Variants in RAB32 observed in about 807,000 individuals in gnomAD.
RAB32 encodes ras-related protein Rab-32.
A neutral mutation model predicts 17.5 loss-of-function variants in RAB32; 17 were observed. That is an observed-to-expected ratio of 0.97 (90% CI 0.67 to 1.46). RAB32 has a LOEUF of 1.46. Ranked by LOEUF, RAB32 falls within the 40% of genes most tolerant of loss-of-function variation. RAB32 has a pLI of 0.00. For missense variants in RAB32, 288 were observed against 284.3 expected, an observed-to-expected ratio of 1.01 and a Z score of -0.09; for synonymous variants, 115 against 111.1, an observed-to-expected ratio of 1.04 and a Z score of -0.22.
chr6:146,543,855 C>A lies in RAB32; in HGVS notation c.-17C>A, dbSNP rs756021078. ...GCCAGACTCGGAGTCGAGGCGCGCC[C>A]GACAGCCGCAGCGCTCATGGCGGGC... On this transcript the variant is annotated 5_prime_UTR_variant, in exon 1 of 3. Coordinates refer to ENST00000367495, the MANE Select transcript of RAB32 (RefSeq NM_006834.5). The A allele has an allele frequency of 1.5e-6, 2 of 1,378,216 alleles. No individual in the cohort carries two copies. Among genetic ancestry groups the A allele is most frequent in the Non-Finnish European group, 1.9e-6 (2 of 1,065,854 alleles). 85.4% of individuals were successfully genotyped at this position (1,378,216 alleles called of 1,614,324 possible).
chr6:146,553,852 A>G (rs919745699), intron 2 of RAB32, among the ~76,000 whole-genome samples: 1 of 152,182 alleles, frequency 6.6e-6, no homozygotes, highest in African/African-American at 2.4e-5. Flanking sequence ...AGTTTTTGCA[A>G]TGTGTTACCT....
At position 146,549,632 on chromosome 6, in the gene RAB32, TCTTGG is replaced by T; in HGVS notation, c.422_426del (p.Leu141Ter). 1 of 1,614,196 alleles carries T rather than the reference TCTTGG, an allele frequency of 6.2e-7. No individual in the cohort carries two copies. The highest frequency in any genetic ancestry group is 1.1e-5 in the South Asian group (1 of 91,082). Reference sequence around the variant, plus strand: ...AATGGCAGCCCTATCCCTGCTGTCCTCTTGGCTAACAAATGTGACCAGAACAAGGA... The same window carrying T: ...AATGGCAGCCCTATCCCTGCTGTCCTCTAACAAATGTGACCAGAACAAGGA... On this transcript the variant is annotated frameshift_variant, in exon 2 of 3. Coordinates refer to ENST00000367495, the MANE Select transcript of RAB32 (RefSeq NM_006834.5). LOFTEE classifies it high-confidence loss of function.
chr6:146,547,932 G>C (rs1008081746), intron 1 of RAB32, among the ~76,000 whole-genome samples: 1 of 151,942 alleles, frequency 6.6e-6, no homozygotes, highest in Non-Finnish European at 1.5e-5. Flanking sequence ...TTGTTGCTTA[G>C]TCTTTTCATA....
chr6:146,552,741 CG>C (rs894283672), intron 2 of RAB32, among the ~76,000 whole-genome samples: 27 of 152,258 alleles, frequency 1.8e-4, no homozygotes, highest in African/African-American at 6.5e-4. Flanking sequence ...GCTCAAAATT[CG>C]GTTTTTAAAT....
intron 1 of RAB32, among the ~76,000 whole-genome samples, chr6:146,547,770 T>C (rs1413656509): frequency 1.3e-5 from 2 of 151,818 alleles, no homozygotes; most frequent in African/African-American, 4.8e-5. Context: ...AACAACTCTT[T>C]GTTAACTTCT....
intron 2 of RAB32, among the ~76,000 whole-genome samples, chr6:146,550,254 A>G (rs1268266348): frequency 6.6e-6 from 1 of 152,210 alleles, no homozygotes; most frequent in Non-Finnish European, 1.5e-5. Flanking sequence ...TATGCTTCAT[A>G]AACAGTAGAG....
chr6:146,544,386 C>T (rs1457735428), intron 1 of RAB32, among the ~76,000 whole-genome samples: 1 of 152,028 alleles, frequency 6.6e-6, no homozygotes, highest in African/African-American at 2.4e-5. Flanking sequence ...GCCAGGGGGC[C>T]TTTTCCAGAA....
chr6:146,550,721 G>GTT (rs200465055), intron 2 of RAB32, among the ~76,000 whole-genome samples: 1 of 129,944 alleles, frequency 7.7e-6, no homozygotes, highest in Non-Finnish European at 1.6e-5. Context: ...TATATAAAAT[G>GTT]TTTGGGGGGG....
At chr6:146,553,684 T>C (rs745780006) in intron 2 of RAB32, among the ~76,000 whole-genome samples, 1 of 152,208 alleles carries the variant, frequency 6.6e-6, no homozygotes, top group Admixed American at 6.5e-5. Context: ...AACACTATTA[T>C]GTAATTTCCT....
At position 146,549,754 on chromosome 6, in the gene RAB32, T is replaced by C; in HGVS notation, c.528+13T>C. The C allele has an allele frequency of 6.2e-7, 1 of 1,609,174 alleles. No homozygotes were observed. Among genetic ancestry groups the C allele is most frequent in the Non-Finnish European group, 8.5e-7 (1 of 1,176,914 alleles). On this transcript the variant is annotated intron_variant, in intron 2 of 2. Transcript: ENST00000367495. ...AACCTCTGCAAAGGTGAGATCTGCT[T>C]TGCTTATGCATCTTTTGCTTTCTAG...
intron 1 of RAB32, among the ~76,000 whole-genome samples, chr6:146,545,409 C>T (rs1393403360): frequency 6.6e-6 from 1 of 152,098 alleles, no homozygotes; most frequent in African/African-American, 2.4e-5. Flanking sequence ...TTCTACAGTC[C>T]CTACACTGAA....
At chr6:146,548,605 A>T (rs992896690) in intron 1 of RAB32, among the ~76,000 whole-genome samples, 4 of 152,182 alleles carry the variant, frequency 2.6e-5, no homozygotes, top group African/African-American at 9.7e-5. Context: ...GGTGTGTGGG[A>T]GTCAGAAGAC....
rs1779781915 is a variant in RAB32, at chr6:146,543,847, G to C, written c.-25G>C. On this transcript the variant is annotated 5_prime_UTR_variant, in exon 1 of 3. Coordinates refer to ENST00000367495, the MANE Select transcript of RAB32 (RefSeq NM_006834.5). ...GGCAGGGGGCCAGACTCGGAGTCGA[G>C]GCGCGCCCGACAGCCGCAGCGCTCA... 3.7e-6 allele frequency: 5 copies of C among 1,355,074 alleles called. No homozygotes were observed. The highest frequency in any genetic ancestry group is 4.8e-6 in the Non-Finnish European group (5 of 1,052,580). The allele number at this position is 1,355,074 out of a possible 1,614,324, so 83.9% of individuals were successfully genotyped here.
At chr6:146,546,580 T>C (rs1389467365) in intron 1 of RAB32, among the ~76,000 whole-genome samples, 1 of 152,088 alleles carries the variant, frequency 6.6e-6, no homozygotes, top group East Asian at 1.9e-4. Flanking sequence ...ACCATTTGAA[T>C]TAAGTAATGA....
chr6:146,549,249 TA>T (rs1293760339), intron 1 of RAB32, among the ~76,000 whole-genome samples: 2 of 152,202 alleles, frequency 1.3e-5, no homozygotes, highest in African/African-American at 4.8e-5. Context: ...GTACAGAACA[TA>T]AAACTAATTC....
chr6:146,550,048 G>A (rs577615332), intron 2 of RAB32, among the ~76,000 whole-genome samples: 2 of 152,160 alleles, frequency 1.3e-5, no homozygotes, highest in Non-Finnish European at 2.9e-5. Context: ...GTGGTTGGGG[G>A]TATTGTCAAG....
At chr6:146,544,183 T>C (rs1377201048) in intron 1 of RAB32, 62 bp downstream of exon 1, 14 of 1,505,822 alleles carry the variant, frequency 9.3e-6, no homozygotes, top group Non-Finnish European at 1.1e-5. Context: ...TCCTCTCTGC[T>C]TCTTTTCTTT....
rs1211765892 is a variant in RAB32 at position 146,543,929 on chromosome 6, G to T, written c.58G>T (p.Glu20Ter). The T allele has an allele frequency of 6.2e-7, 1 of 1,605,024 alleles. No homozygotes were observed. Among genetic ancestry groups the T allele is most frequent in the Non-Finnish European group, 8.5e-7 (1 of 1,176,822 alleles). Residue 20 changes from glutamate to a stop codon, truncating the protein, a stop_gained, in exon 1 of 3, where the codon GAG (glutamate) becomes TAG (stop). Transcript: ENST00000367495. LOFTEE classifies it high-confidence loss of function. ...GLGAAAAPAP[E>*]TREHLFKVLV... ...GGGGGCGGCCGCCGCCCCAGCGCCC[G>T]AGACCCGCGAGCACCTCTTCAAGGT...
Position 146,543,982 on chromosome 6 carries a change from C to CA in RAB32, c.113dup (p.Thr39AspfsTer69). 6.2e-7 allele frequency: 1 copy of CA among 1,613,688 alleles called. No individual in the cohort carries two copies. The highest frequency in any genetic ancestry group is 8.5e-7 in the Non-Finnish European group (1 of 1,179,872). On this transcript the variant is annotated frameshift_variant, in exon 1 of 3. Transcript: ENST00000367495. LOFTEE classifies it high-confidence loss of function. ...TGGTGATCGGCGAGCTTGGCGTGGG[C>CA]AAGACCAGCATCATCAAGCGCTACG...
Sources: gnomAD v4.1 joint callset for allele counts (sites outside exome capture counted in the v4.1 genomes callset) on GRCh38, gnomAD v4.1.1 for gene constraint, MANE v1.5 for transcripts, NCBI Gene and HGNC (gene_info 2026-07-23, HGNC 2026-07-21) for gene names.